The following PATJ variants were observed in gnomAD, a reference collection of about 807,000 sequenced individuals.
PATJ encodes the protein PATJ crumbs cell polarity complex component.
PATJ carries 190 observed loss-of-function variants against 224.9 expected under a neutral mutation model. The observed-to-expected ratio is 0.84, with a 90% CI of 0.75 to 0.95. PATJ has a LOEUF of 0.95. Ranked by LOEUF, PATJ falls within the 40% of genes least tolerant of loss-of-function variation. The pLI is 0.00. For synonymous variants in PATJ, 769 were observed against 820.3 expected, an observed-to-expected ratio of 0.94 and a Z score of 1.07; for missense variants, 2,121 against 2,270.3, an observed-to-expected ratio of 0.93 and a Z score of 1.34.
intron 1 of PATJ, among the ~76,000 whole-genome samples, chr1:61,744,284 C>CAAAAAAAAAA (rs35247131): frequency 4.3e-5 from 3 of 69,658 alleles, no homozygotes; most frequent in Non-Finnish European, 7.5e-5. Context: ...AACCCTGTCT[C>CAAAAAAAAAA]AAAAAAAAAA....
intron 28 of PATJ, among the ~76,000 whole-genome samples, chr1:61,992,031 G>T (rs1407107541): frequency 2.6e-5 from 4 of 151,804 alleles, no homozygotes; most frequent in Non-Finnish European, 5.9e-5. Context: ...AGAACTAAGT[G>T]AATAAGTGTG....
At chr1:61,974,247 G>T (rs1643989687) in intron 27 of PATJ, among the ~76,000 whole-genome samples, 1 of 151,886 alleles carries the variant, frequency 6.6e-6, no homozygotes, top group Middle Eastern at 3.2e-3. Flanking sequence ...AATTAGGATG[G>T]ATAAACTTCC....
chr1:62,100,487 C>A, intron 33 of PATJ: 1 of 691,096 alleles, frequency 1.4e-6, no homozygotes, highest in South Asian at 1.6e-5. Context: ...AGCATTAATC[C>A]ATCCTTGAGG....
intron 27 of PATJ, among the ~76,000 whole-genome samples, chr1:61,984,164 A>ATTATTTT (rs1553231368): frequency 7.6e-6 from 1 of 132,108 alleles, no homozygotes; most frequent in Non-Finnish European, 1.6e-5. Context: ...TATTATTATT[A>ATTATTTT]TTTTTTTTTT....
intron 28 of PATJ, among the ~76,000 whole-genome samples, chr1:62,010,866 C>T (rs973148664): frequency 6.6e-6 from 1 of 152,186 alleles, no homozygotes; most frequent in African/African-American, 2.4e-5. Context: ...CATTATTGAG[C>T]TTAGCTAGAT....
At chr1:62,015,297 C>G (rs1646709235) in intron 28 of PATJ, among the ~76,000 whole-genome samples, 1 of 150,882 alleles carries the variant, frequency 6.6e-6, no homozygotes, top group South Asian at 2.1e-4. Flanking sequence ...GAGCAAGACT[C>G]TGTCTCAAAA....
intron 39 of PATJ, among the ~76,000 whole-genome samples, chr1:62,124,728 C>T (rs1665492692): frequency 1.3e-5 from 2 of 152,178 alleles, no homozygotes; most frequent in Admixed American, 1.3e-4. Context: ...GCTGTAGCCA[C>T]ACGTGGCCTT....
At chr1:62,144,626 A>C (rs1199818849) in intron 41 of PATJ, among the ~76,000 whole-genome samples, 1 of 151,998 alleles carries the variant, frequency 6.6e-6, no homozygotes, top group African/African-American at 2.4e-5. Flanking sequence ...TATGATTCCC[A>C]TTTAATAGAT....
chr1:61,760,904 G>A lies in PATJ; in HGVS notation c.-35-1954G>A, dbSNP rs576291318. Among the ~76,000 whole-genome samples, 29 of 152,088 alleles carry A rather than the reference G, an allele frequency of 1.9e-4. No homozygotes were observed. In the South Asian group the frequency reaches 4.4e-3, roughly 23 times the overall value. On this transcript the variant is annotated intron_variant, in intron 1 of 43. Coordinates refer to ENST00000642238, the MANE Select transcript of PATJ (RefSeq NM_001350145.3). ...TGGGATTACAGGTGTGAGCCGTGGC[G>A]CCCAGCCTGGGTGGTTTCTTTCAAG... is the stretch of plus-strand genomic sequence containing the variant.
At chr1:61,909,152 G>A (rs1455629663) in intron 25 of PATJ, among the ~76,000 whole-genome samples, 1 of 151,828 alleles carries the variant, frequency 6.6e-6, no homozygotes, top group Non-Finnish European at 1.5e-5. Flanking sequence ...ACTAATTTTT[G>A]TATTTTTAGT....
chr1:62,056,712 C>T (rs932138107), intron 31 of PATJ, among the ~76,000 whole-genome samples: 4 of 152,046 alleles, frequency 2.6e-5, no homozygotes, highest in African/African-American at 4.8e-5. Context: ...ACCCCAGGGG[C>T]GGAGGTTGCA....
chr1:62,146,656 A>G (rs1483215730), intron 41 of PATJ, among the ~76,000 whole-genome samples: 1 of 152,226 alleles, frequency 6.6e-6, no homozygotes, highest in East Asian at 1.9e-4. Flanking sequence ...GGGTGCCTGT[A>G]ATCCCAGCTA....
At chr1:61,779,539 A>G (rs1012566296) in intron 7 of PATJ, among the ~76,000 whole-genome samples, 9 of 152,188 alleles carry the variant, frequency 5.9e-5, no homozygotes, top group African/African-American at 2.2e-4. Context: ...CAACATCTAG[A>G]TTAGTGTTTG....
At chr1:62,094,391 T>C (rs1031546255) in intron 33 of PATJ, among the ~76,000 whole-genome samples, 2 of 151,946 alleles carry the variant, frequency 1.3e-5, no homozygotes, top group Admixed American at 6.6e-5. Flanking sequence ...AAGACTCTGT[T>C]TCTCTTTTTT....
intron 16 of PATJ, among the ~76,000 whole-genome samples, chr1:61,828,016 G>A (rs1460645794): frequency 6.6e-6 from 1 of 152,142 alleles, no homozygotes; most frequent in Non-Finnish European, 1.5e-5. Context: ...GGAGGCCGAG[G>A]TGGGTGGAAC....
At chr1:61,748,148 G>A (rs1570218116) in intron 1 of PATJ, among the ~76,000 whole-genome samples, 1 of 146,468 alleles carries the variant, frequency 6.8e-6, no homozygotes, top group Non-Finnish European at 1.5e-5. Context: ...CAAAGTGCTG[G>A]AATTACAAGT....
chr1:62,054,255 C>T, intron 31 of PATJ: 1 of 299,688 alleles, frequency 3.3e-6, no homozygotes, highest in East Asian at 1.0e-4. Flanking sequence ...CTCAGCTACT[C>T]AAGAGGCTGA....
chr1:61,932,853 T>C (rs1294306089), intron 27 of PATJ, among the ~76,000 whole-genome samples: 2 of 151,970 alleles, frequency 1.3e-5, no homozygotes, highest in African/African-American at 2.4e-5. Context: ...GAGCCGAGAT[T>C]GCGCCACTGC....
At position 62,116,542 on chromosome 1, in the gene PATJ, G is replaced by T. The variant is rs754511510; in HGVS notation, c.4666G>T (p.Gly1556Ter). The T allele has an allele frequency of 6.2e-7, 1 of 1,613,906 alleles. No homozygotes were observed. Among genetic ancestry groups the T allele is most frequent in the Admixed American group, 1.7e-5 (1 of 59,994 alleles). ...LSIVGKRNGS[G>*]VFISDIVKGG... ...GTATGGTATTAACAGAAATGGAAGC[G>T]GAGTGTTTATTTCTGACATCGTGAA... Residue 1556 changes from glycine (G) to a stop codon, truncating the protein, a stop_gained, in exon 36 of 44, where the codon GGA (glycine) becomes TGA (stop). Transcript: ENST00000642238. LOFTEE classifies it high-confidence loss of function.
Sources: allele counts gnomAD v4.1 joint callset (sites outside exome capture counted in the v4.1 genomes callset), GRCh38; gene constraint gnomAD v4.1.1; transcripts MANE v1.5; gene names NCBI Gene and HGNC (gene_info 2026-07-23, HGNC 2026-07-21).